Variants in FOXN3 observed in about 807,000 individuals in gnomAD.
The protein encoded by FOXN3 is forkhead box protein N3.
FOXN3 carries 7 observed loss-of-function variants against 38.4 expected under a neutral mutation model. That is an observed-to-expected ratio of 0.18 (90% CI 0.10 to 0.34). The LOEUF is 0.34. FOXN3 is among the 10% of genes least tolerant of loss of function. The pLI is 1.00. For missense variants in FOXN3, 456 were observed against 613.4 expected, an observed-to-expected ratio of 0.74 and a Z score of 2.71; for synonymous variants, 230 against 242.2, an observed-to-expected ratio of 0.95 and a Z score of 0.47.
chr14:89,230,878 A>C (rs554374620), intron 4 of FOXN3: 6 of 455,928 alleles, frequency 1.3e-5, no homozygotes, highest in African/African-American at 1.0e-4. Context: ...CTGTTGAAAA[A>C]ATAGCTTTCA....
At chr14:89,446,757 A>T (rs1892510171) in intron 1 of FOXN3, among the ~76,000 whole-genome samples, 2 of 152,206 alleles carry the variant, frequency 1.3e-5, no homozygotes. Context: ...CATTCAATAA[A>T]CTGCAGAGTG....
At chr14:89,612,544 C>T (rs915172738) in intron 1 of FOXN3, among the ~76,000 whole-genome samples, 1 of 152,070 alleles carries the variant, frequency 6.6e-6, no homozygotes, top group East Asian at 1.9e-4. Context: ...ACCTGTAATC[C>T]CAGCACTTTG....
intron 1 of FOXN3, among the ~76,000 whole-genome samples, chr14:89,586,170 C>T (rs1179929519): frequency 6.6e-6 from 1 of 151,804 alleles, no homozygotes; most frequent in Non-Finnish European, 1.5e-5. Context: ...CCTGGCATAC[C>T]GGATCAAAAG....
chr14:89,613,815 T>C (rs969867038), intron 1 of FOXN3, among the ~76,000 whole-genome samples: 1 of 152,174 alleles, frequency 6.6e-6, no homozygotes, highest in African/African-American at 2.4e-5. Context: ...TGAGAAACAA[T>C]GCAGGGAGGT....
intron 1 of FOXN3, among the ~76,000 whole-genome samples, chr14:89,499,324 C>A (rs1415926806): frequency 6.6e-6 from 1 of 152,130 alleles, no homozygotes; most frequent in Non-Finnish European, 1.5e-5. Flanking sequence ...GCCTGAGAAA[C>A]TGTCCCTGAG....
intron 1 of FOXN3, among the ~76,000 whole-genome samples, chr14:89,454,889 C>T (rs117257158): frequency 0.042 from 6,400 of 152,254 alleles, 209 homozygotes; most frequent in Middle Eastern, 0.072. Context: ...TTATCTCACC[C>T]TGGAGAAGGA....
chr14:89,343,907 C>A (rs1165210140), intron 3 of FOXN3, among the ~76,000 whole-genome samples: 1 of 152,060 alleles, frequency 6.6e-6, no homozygotes, highest in Non-Finnish European at 1.5e-5. Context: ...ATTGCAGGTG[C>A]CTGCCACCAC....
chr14:89,325,357 AC>A (rs1888046084), intron 3 of FOXN3, among the ~76,000 whole-genome samples: 1 of 116,178 alleles, frequency 8.6e-6, no homozygotes, highest in Non-Finnish European at 1.8e-5. Context: ...CACCACCACC[AC>A]CACTACCACC....
rs930907117 is a variant in FOXN3 at position 89,162,131 on chromosome 14, T to C, written c.*283A>G. ...TGGAGGAAGCAATGGTAATTTTGGC[T>C]TTTTCGGTTTTGTCTTCAGATAATG... On this transcript the variant is annotated 3_prime_UTR_variant, in exon 6 of 6. Transcript: ENST00000557258. This position sits in a 1 kb window ranked among gnomAD's most constrained non-coding sequence, Gnocchi z 7.2. 4 of 266,104 alleles carry C rather than the reference T, an allele frequency of 1.5e-5. No individual in the cohort carries two copies. The highest frequency in any genetic ancestry group is 2.8e-5 in the Non-Finnish European group (4 of 142,970). 16.5% of individuals were successfully genotyped at this position (266,104 alleles called of 1,614,324 possible).
chr14:89,191,023 T>C (rs930633158), intron 4 of FOXN3, among the ~76,000 whole-genome samples: 4 of 152,040 alleles, frequency 2.6e-5, no homozygotes, highest in Non-Finnish European at 4.4e-5. Context: ...AAAAGTAAAG[T>C]TGTCATGTTG....
intron 4 of FOXN3, among the ~76,000 whole-genome samples, chr14:89,247,334 G>C (rs2139873997): frequency 6.6e-6 from 1 of 152,282 alleles, no homozygotes; most frequent in Non-Finnish European, 1.5e-5. Flanking sequence ...ACCCAAGCCT[G>C]GGGACTAAGA....
chr14:89,529,978 T>C (rs1207776824), intron 1 of FOXN3, among the ~76,000 whole-genome samples: 2 of 151,924 alleles, frequency 1.3e-5, no homozygotes, highest in Non-Finnish European at 2.9e-5. Context: ...TCTCACTCTG[T>C]TGCCCAGGCT....
intron 1 of FOXN3, among the ~76,000 whole-genome samples, chr14:89,519,201 A>G (rs1419890891): frequency 6.6e-6 from 1 of 152,164 alleles, no homozygotes; most frequent in Non-Finnish European, 1.5e-5. Flanking sequence ...GGTAGCACAG[A>G]CTACAAGCCG....
At chr14:89,455,662 G>T (rs975941711) in intron 1 of FOXN3, among the ~76,000 whole-genome samples, 1 of 152,152 alleles carries the variant, frequency 6.6e-6, no homozygotes, top group African/African-American at 2.4e-5. Context: ...GGGCGGGACC[G>T]GACCTGAGGG....
chr14:89,202,019 G>C (rs1888248187), intron 4 of FOXN3, among the ~76,000 whole-genome samples: 1 of 152,212 alleles, frequency 6.6e-6, no homozygotes, highest in Admixed American at 6.5e-5. Context: ...TTTTACAGAA[G>C]GAAAGATTCC....
At chr14:89,565,075 CAGA>C (rs1222483378) in intron 1 of FOXN3, among the ~76,000 whole-genome samples, 9 of 114,206 alleles carry the variant, frequency 7.9e-5, no homozygotes, top group Non-Finnish European at 1.3e-4. Flanking sequence ...GCCTGGATGA[CAGA>C]AGGAGAGCTC....
At chr14:89,529,601 C>T (rs567517886) in intron 1 of FOXN3, among the ~76,000 whole-genome samples, 83 of 152,280 alleles carry the variant, frequency 5.5e-4, no homozygotes, top group African/African-American at 2.0e-3. Flanking sequence ...TGTTTATCAT[C>T]TAAATGATTT....
chr14:89,525,404 A>G (rs1677998054), intron 1 of FOXN3, among the ~76,000 whole-genome samples: 1 of 152,198 alleles, frequency 6.6e-6, no homozygotes. Flanking sequence ...TTACAAATGC[A>G]TGGCAATGTC....
intron 3 of FOXN3, among the ~76,000 whole-genome samples, chr14:89,292,488 T>C (rs1339398195): frequency 1.3e-5 from 2 of 152,144 alleles, no homozygotes; most frequent in South Asian, 2.1e-4. Flanking sequence ...AAGGTGATAG[T>C]GTTAAGAGGT....
Sources: allele counts gnomAD v4.1 joint callset (sites outside exome capture counted in the v4.1 genomes callset), GRCh38; gene constraint gnomAD v4.1.1; non-coding constraint Gnocchi (gnomAD v3.1); transcripts MANE v1.5; gene names NCBI Gene and HGNC (gene_info 2026-07-23, HGNC 2026-07-21).